TYR: variants seen among roughly 807,000 people sequenced by gnomAD.
The protein encoded by TYR is LB24-AB.
A neutral mutation model predicts 51.5 loss-of-function variants in TYR; 58 were observed. That is an observed-to-expected ratio of 1.13 (90% CI 0.91 to 1.40). The LOEUF is 1.40. Ranked by LOEUF, TYR falls within the 40% of genes most tolerant of loss-of-function variation. TYR has a pLI of 0.00. For missense variants in TYR, 732 were observed against 647.4 expected, an observed-to-expected ratio of 1.13 and a Z score of -1.42; for synonymous variants, 263 against 235.2, an observed-to-expected ratio of 1.12 and a Z score of -1.08.
intron 3 of TYR, among the ~76,000 whole-genome samples, chr11:89,282,536 T>C (rs900758000): frequency 5.3e-5 from 8 of 151,944 alleles, no homozygotes; most frequent in Middle Eastern, 3.4e-3. Context: ...ATTTTTTCTT[T>C]TCTCCTTTTT....
intron 1 of TYR, among the ~76,000 whole-genome samples, chr11:89,187,614 T>G (rs1332945427): frequency 6.6e-6 from 1 of 152,170 alleles, no homozygotes; most frequent in Non-Finnish European, 1.5e-5. Flanking sequence ...CTTTAAATCA[T>G]GTAGTCTATA....
intron 2 of TYR, among the ~76,000 whole-genome samples, chr11:89,210,245 C>A (rs1468308487): frequency 6.6e-6 from 1 of 152,110 alleles, no homozygotes; most frequent in Admixed American, 6.5e-5. Flanking sequence ...GAATGGCTAA[C>A]TAGAATAACC....
At chr11:89,227,219 T>C (rs1943987584) in intron 2 of TYR, among the ~76,000 whole-genome samples, 2 of 152,150 alleles carry the variant, frequency 1.3e-5, no homozygotes, top group Non-Finnish European at 2.9e-5. Context: ...ATTTTTCCCA[T>C]TATTACTGTT....
chr11:89,258,974 T>A (rs1022452321), intron 3 of TYR, among the ~76,000 whole-genome samples: 2 of 152,068 alleles, frequency 1.3e-5, no homozygotes, highest in Non-Finnish European at 2.9e-5. Flanking sequence ...CCGGAATAGG[T>A]AATCTATTGC....
intron 2 of TYR, among the ~76,000 whole-genome samples, chr11:89,196,960 C>T (rs915935954): frequency 3.3e-5 from 5 of 152,126 alleles, no homozygotes; most frequent in Non-Finnish European, 7.4e-5. Context: ...AAAAGCTCAC[C>T]ATCAAGTGAA....
At chr11:89,227,741 A>G in intron 2 of TYR, 82 bp from the exon 3 acceptor site, 2 of 1,201,050 alleles carry the variant, frequency 1.7e-6, no homozygotes. Flanking sequence ...TTCAAGTTAT[A>G]GTTATAAATC....
intron 3 of TYR, among the ~76,000 whole-genome samples, chr11:89,282,429 A>G (rs1303124086): frequency 1.3e-5 from 2 of 151,846 alleles, no homozygotes; most frequent in South Asian, 4.1e-4. Context: ...AAAATTATCT[A>G]TAATGTGATT....
intron 3 of TYR, among the ~76,000 whole-genome samples, chr11:89,283,321 T>C (rs1182587062): frequency 6.6e-6 from 1 of 151,848 alleles, no homozygotes; most frequent in Non-Finnish European, 1.5e-5. Flanking sequence ...ATGATCACCA[T>C]TTCTTCCATT....
chr11:89,220,268 C>A (rs1591163650), intron 2 of TYR, among the ~76,000 whole-genome samples: 1 of 152,282 alleles, frequency 6.6e-6, no homozygotes, highest in African/African-American at 2.4e-5. Flanking sequence ...AGAGCACGCA[C>A]ATTATATCGC....
intron 3 of TYR, among the ~76,000 whole-genome samples, chr11:89,265,094 C>G (rs1944510629): frequency 1.3e-5 from 2 of 151,976 alleles, no homozygotes; most frequent in Admixed American, 1.3e-4. Context: ...ATAACAACTT[C>G]TAAACAACTA....
At chr11:89,241,560 G>A (rs1238657688) in intron 3 of TYR, among the ~76,000 whole-genome samples, 1 of 151,680 alleles carries the variant, frequency 6.6e-6, no homozygotes, top group Non-Finnish European at 1.5e-5. Context: ...AATTCATTTA[G>A]AAAATACTTA....
intron 2 of TYR, 94 bp from the exon 3 acceptor site, chr11:89,227,729 T>C (rs1387936813): frequency 9.2e-7 from 1 of 1,085,210 alleles, no homozygotes; most frequent in Non-Finnish European, 1.4e-6. Context: ...TTTGAAACAG[T>C]CTTCAAGTTA....
chr11:89,286,990 T>G (rs998789499), intron 4 of TYR, among the ~76,000 whole-genome samples: 1 of 151,920 alleles, frequency 6.6e-6, no homozygotes, highest in Non-Finnish European at 1.5e-5. Context: ...TTAAATATGC[T>G]ATTGTTTCTG....
chr11:89,209,670 G>A (rs1278574992), intron 2 of TYR, among the ~76,000 whole-genome samples: 1 of 152,188 alleles, frequency 6.6e-6, no homozygotes, highest in Non-Finnish European at 1.5e-5. Context: ...GTGGGTCCCT[G>A]ACCCCGTGTA....
At chr11:89,178,890 T>C (rs1452513479) in intron 1 of TYR, 118 bp downstream of exon 1, 2 of 994,532 alleles carry the variant, frequency 2.0e-6, no homozygotes, top group Non-Finnish European at 3.1e-6. Flanking sequence ...AGGACAGAAA[T>C]GGTGCCCTGT....
chr11:89,220,986 TA>T (rs1485320414), intron 2 of TYR, among the ~76,000 whole-genome samples: 3 of 152,194 alleles, frequency 2.0e-5, no homozygotes, highest in African/African-American at 7.2e-5. Context: ...ATAAACACTT[TA>T]ATAACACAAA....
intron 2 of TYR, among the ~76,000 whole-genome samples, chr11:89,203,616 GAGA>G (rs1261362734): frequency 6.6e-6 from 1 of 152,138 alleles, no homozygotes; most frequent in Non-Finnish European, 1.5e-5. Context: ...AAATAGTGAA[GAGA>G]AGAAGCCAGG....
intron 1 of TYR, among the ~76,000 whole-genome samples, chr11:89,187,677 C>T (rs1038505365): frequency 1.3e-5 from 2 of 152,062 alleles, no homozygotes. Context: ...GATGAAGCCA[C>T]TTAACCTCTA....
At chr11:89,216,316 G>A (rs577877427) in intron 2 of TYR, among the ~76,000 whole-genome samples, 26 of 152,182 alleles carry the variant, frequency 1.7e-4, no homozygotes, top group African/African-American at 6.3e-4. Context: ...TTCCTTCTGA[G>A]GTTCTATCTG....
Sources: gnomAD v4.1 joint callset for allele counts (sites outside exome capture counted in the v4.1 genomes callset) on GRCh38, gnomAD v4.1.1 for gene constraint, MANE v1.5 for transcripts, NCBI Gene and HGNC (gene_info 2026-07-23, HGNC 2026-07-21) for gene names.